Variants in YPEL1 observed in about 807,000 individuals in gnomAD.
The protein encoded by YPEL1 is yippee like 1, also known as protein yippee-like 1.
In YPEL1, 7 loss-of-function variants were observed where a neutral mutation model predicts 17.3. The ratio of observed to expected loss-of-function variants is 0.40; its 90% CI spans 0.23 to 0.76. The LOEUF (loss-of-function observed/expected upper bound fraction) is 0.76, where lower values mean the gene tolerates loss of function less well. YPEL1 is among the 30% of genes least tolerant of loss of function. YPEL1 has a pLI of 0.35. For synonymous variants in YPEL1, 59 were observed against 59.6 expected, an observed-to-expected ratio of 0.99 and a Z score of 0.05; for missense variants, 91 against 155.5, an observed-to-expected ratio of 0.59 and a Z score of 2.21.
chr22:21,718,701 CA>C (rs1459930933), intron 1 of YPEL1, among the ~76,000 whole-genome samples: 3 of 152,038 alleles, frequency 2.0e-5, no homozygotes, highest in African/African-American at 7.2e-5. Context: ...ATCAACAGTT[CA>C]TCACATTTAT....
intron 4 of YPEL1, among the ~76,000 whole-genome samples, chr22:21,702,539 C>A (rs961210260): frequency 6.6e-6 from 1 of 152,052 alleles, no homozygotes; most frequent in African/African-American, 2.4e-5. Flanking sequence ...CGGTGGCTCA[C>A]GCCTGTAATC....
At chr22:21,707,177 G>A (rs1044450575) in intron 2 of YPEL1, among the ~76,000 whole-genome samples, 4 of 152,038 alleles carry the variant, frequency 2.6e-5, no homozygotes, top group East Asian at 1.9e-4. Context: ...CAGCACTTTC[G>A]GAGGCCAAAG....
At chr22:21,715,386 CG>C (rs2068211121) in intron 1 of YPEL1, among the ~76,000 whole-genome samples, 1 of 151,448 alleles carries the variant, frequency 6.6e-6, no homozygotes, top group East Asian at 2.0e-4. Flanking sequence ...ACCAGCTACT[CG>C]GGAGGCTGAA....
At position 21,700,857 on chromosome 22, in the gene YPEL1, C is replaced by T; in HGVS notation, c.*272G>A. 1 of 332,682 alleles carries T rather than the reference C, an allele frequency of 3.0e-6. No individual in the cohort carries two copies. Among genetic ancestry groups the T allele is most frequent in the Non-Finnish European group, 5.5e-6 (1 of 182,090 alleles). The allele number at this position is 332,682 out of a possible 1,614,324, so 20.6% of individuals were successfully genotyped here. A position where few individuals can be genotyped will look rare whatever the true frequency, so the allele number is the denominator to read the frequency against. ...AGGTGAAAGGAAGATATTAACTAGGCAGGTAAGTCATCAGTTGGTTAATTC... is the reference window on the plus strand; with the variant it reads ...AGGTGAAAGGAAGATATTAACTAGGTAGGTAAGTCATCAGTTGGTTAATTC... On this transcript the variant is annotated 3_prime_UTR_variant, in exon 5 of 5. Coordinates refer to ENST00000339468, the MANE Select transcript of YPEL1 (RefSeq NM_013313.5).
chr22:21,704,658 GA>G (rs34942655), intron 2 of YPEL1, among the ~76,000 whole-genome samples: 29,923 of 88,128 alleles, frequency 0.34, 3,296 homozygotes, highest in Non-Finnish European at 0.35. Context: ...ACCCCGTCTC[GA>G]AAAAAAAAAA....
At chr22:21,730,872 C>A (rs1158808137) in intron 1 of YPEL1, among the ~76,000 whole-genome samples, 2 of 152,232 alleles carry the variant, frequency 1.3e-5, no homozygotes, top group East Asian at 3.8e-4. Context: ...CCCCAGGTGC[C>A]TCGGCCCTCC....
chr22:21,716,142 C>T (rs1179630099), intron 1 of YPEL1, among the ~76,000 whole-genome samples: 1 of 152,058 alleles, frequency 6.6e-6, no homozygotes, highest in African/African-American at 2.4e-5. Context: ...TTCCTGGCCT[C>T]AAGTGATCTG....
At chr22:21,719,306 C>T (rs1485977737) in intron 1 of YPEL1, among the ~76,000 whole-genome samples, 1 of 152,190 alleles carries the variant, frequency 6.6e-6, no homozygotes, top group Admixed American at 6.6e-5. Flanking sequence ...AGGAAGCGTT[C>T]TGACTTCACT....
Position 21,724,753 on chromosome 22 carries a change from G to A in YPEL1, c.-165+10862C>T, listed in dbSNP as rs561300791. The stretch of plus-strand genomic sequence containing the variant: ...GCGCCACCACACTTGGTTCATTTCT[G>A]TATTTTTTGTAGAGACAAGGTTTCA... On this transcript the variant is annotated intron_variant, in intron 1 of 4. Coordinates refer to ENST00000339468, the MANE Select transcript of YPEL1 (RefSeq NM_013313.5). 9.4e-5 allele frequency among the ~76,000 whole-genome samples: 14 copies of A among 149,562 alleles called. No homozygotes were observed. In the Admixed American group the frequency reaches 9.4e-4, roughly 10 times the overall value.
At chr22:21,715,789 G>T (rs1601633255) in intron 1 of YPEL1, among the ~76,000 whole-genome samples, 2 of 93,338 alleles carry the variant, frequency 2.1e-5, no homozygotes, top group African/African-American at 3.4e-5. Flanking sequence ...TTGAGACAGA[G>T]TTTCGCTCTT....
intron 1 of YPEL1, among the ~76,000 whole-genome samples, chr22:21,721,347 T>C (rs2068280932): frequency 6.6e-6 from 1 of 151,422 alleles, no homozygotes; most frequent in Non-Finnish European, 1.5e-5. Flanking sequence ...CTAAATCTCC[T>C]GACCTCGTGA....
At chr22:21,724,203 A>G (rs567088406) in intron 1 of YPEL1, among the ~76,000 whole-genome samples, 2 of 152,228 alleles carry the variant, frequency 1.3e-5, no homozygotes, top group African/African-American at 4.8e-5. Flanking sequence ...TTCAAACCTC[A>G]TCACACTCTG....
intron 1 of YPEL1, among the ~76,000 whole-genome samples, chr22:21,712,570 CA>C (rs1208632331): frequency 1.3e-5 from 2 of 151,308 alleles, no homozygotes; most frequent in African/African-American, 4.8e-5. Flanking sequence ...ACTAAAAATA[CA>C]AAAAATTAGC....
chr22:21,705,740 G>A (rs550312324), intron 2 of YPEL1, among the ~76,000 whole-genome samples: 2 of 152,242 alleles, frequency 1.3e-5, no homozygotes, highest in South Asian at 4.1e-4. Context: ...ACAAAAACGG[G>A]CTGAGGCAGG....
At chr22:21,708,301 G>T (rs540541571) in intron 2 of YPEL1, among the ~76,000 whole-genome samples, 1 of 149,620 alleles carries the variant, frequency 6.7e-6, no homozygotes, top group South Asian at 2.1e-4. Context: ...TGCTCATTTG[G>T]CACCAAATGA....
Position 21,703,483 on chromosome 22 carries a change from G to C in YPEL1, c.162-5C>G, listed in dbSNP as rs757245735. The C allele has an allele frequency of 4.4e-6, 7 of 1,605,738 alleles. No homozygotes were observed. The East Asian group carries it at 1.6e-4, about 36-fold the overall frequency. ...GGGCCGCAGCCCACGTTCACCCTGC[G>C]GGGACAGAGGGGCCACTGCGCTGCA... On this transcript the variant is annotated splice_region_variant and splice_polypyrimidine_tract_variant and intron_variant, in intron 3 of 4. Coordinates refer to ENST00000339468, the MANE Select transcript of YPEL1 (RefSeq NM_013313.5). The surrounding 1 kb of genome is among the most constrained non-coding windows in gnomAD (Gnocchi z 6.1).
chr22:21,720,127 G>A (rs1489243220), intron 1 of YPEL1, among the ~76,000 whole-genome samples: 4 of 134,402 alleles, frequency 3.0e-5, no homozygotes, highest in Non-Finnish European at 4.6e-5. Flanking sequence ...GCAGTGAACT[G>A]ACATAGCACC....
In YPEL1 at chr22:21,732,256, T is replaced by C. The variant is rs187125347; in HGVS notation, c.-165+3359A>G. Among the ~76,000 whole-genome samples, 184 of 152,326 alleles carry C rather than the reference T, an allele frequency of 1.2e-3. 2 individuals carry two copies. The Middle Eastern group carries it at 0.02, about 17-fold the overall frequency. ...CTCCAAAAACCCTTAGCCCTCTATG[T>C]CTTGGCTATTGAGAACTTTCTTCAA... On this transcript the variant is annotated intron_variant, in intron 1 of 4. Coordinates refer to ENST00000339468, the MANE Select transcript of YPEL1 (RefSeq NM_013313.5).
chr22:21,716,850 A>C (rs557087120), intron 1 of YPEL1, among the ~76,000 whole-genome samples: 312 of 152,368 alleles, frequency 2.0e-3, no homozygotes, highest in African/African-American at 7.2e-3. Flanking sequence ...GACCTGAGGC[A>C]GACCATGAGG....
Sources: gnomAD v4.1 joint callset for allele counts (sites outside exome capture counted in the v4.1 genomes callset) on GRCh38, gnomAD v4.1.1 for gene constraint, Gnocchi (gnomAD v3.1) non-coding constraint, MANE v1.5 for transcripts, NCBI Gene and HGNC (gene_info 2026-07-23, HGNC 2026-07-21) for gene names.